The following EP300 variants were observed in gnomAD, a reference collection of about 807,000 sequenced individuals.
EP300 encodes histone acetyltransferase p300.
In EP300, 31 loss-of-function variants were observed where a neutral mutation model predicts 264.0. That is an observed-to-expected ratio of 0.12 (90% CI 0.09 to 0.16). The LOEUF (loss-of-function observed/expected upper bound fraction) is 0.16, where lower values mean the gene tolerates loss of function less well. Ranked by LOEUF, EP300 falls within the 10% of genes least tolerant of loss-of-function variation. EP300 has a pLI of 1.00. For missense variants in EP300, 2,766 were observed against 3,052.9 expected (o/e 0.91, Z 2.21); for synonymous variants, 1,340 against 1,045.4 (o/e 1.28, Z -5.44).
chr22:41,157,532 T>C lies in EP300; in HGVS notation c.3501+124T>C, dbSNP rs1601624904. The C allele has an allele frequency of 5.7e-6, 7 of 1,235,468 alleles. No individual in the cohort carries two copies. In the East Asian group the frequency reaches 7.4e-5, roughly 13 times the overall value. 76.5% of individuals were successfully genotyped at this position (1,235,468 alleles called of 1,614,324 possible). ...CATGGCTTTTTTTTTTTTTTTTTTT[T>C]TTCCTTTTTGACAGGGTCTTATTCT... On this transcript the variant is annotated intron_variant, in intron 18 of 30. Coordinates refer to ENST00000263253, the MANE Select transcript of EP300 (RefSeq NM_001429.4).
intron 20 of EP300, among the ~76,000 whole-genome samples, chr22:41,161,946 G>C (rs2059110770): frequency 6.6e-6 from 1 of 152,142 alleles, no homozygotes; most frequent in African/African-American, 2.4e-5. Context: ...TTAGCTCTAG[G>C]GTAAGTTTCC....
intron 10 of EP300, 131 bp downstream of exon 10, chr22:41,141,353 G>A (rs2058981219): frequency 4.1e-6 from 4 of 964,162 alleles, no homozygotes; most frequent in Admixed American, 2.5e-5. Context: ...CCTTTGCAAA[G>A]AAAATAACTC....
rs765943479 is a variant in EP300 at position 41,178,510 on chromosome 22, C to CAACAGA, written c.6800_6805dup (p.Gln2268_Met2269insLysGln). ...GGCCTATCAGCAGCGACTCCTTCAG[C>CAACAGA]AACAGATGGGGTCCCCTGTTCAGCC... On this transcript the variant is annotated inframe_insertion, in exon 31 of 31. Transcript: ENST00000263253. 2 of 1,613,316 alleles carry CAACAGA rather than the reference C, an allele frequency of 1.2e-6. No homozygotes were observed. The highest frequency in any genetic ancestry group is 2.7e-5 in the African/African-American group (2 of 74,834).
intron 10 of EP300, among the ~76,000 whole-genome samples, chr22:41,142,390 G>T (rs191769751): frequency 6.6e-6 from 1 of 152,294 alleles, no homozygotes; most frequent in East Asian, 1.9e-4. Flanking sequence ...ACTGAAGTGT[G>T]CCAGGTACTG....
Position 41,178,646 on chromosome 22 carries a change from C to T in EP300, c.6935C>T (p.Pro2312Leu), listed in dbSNP as rs1173880379. Residue 2312 changes from proline to leucine, a missense_variant, in exon 31 of 31, where the codon CCT (proline) becomes CTT (leucine). By Grantham distance (98) the Pro-to-Leu change is moderately conservative (BLOSUM62 -3). Transcript: ENST00000263253. ...SLSNQVRSPQ[P>L]VPSPRPQSQP... ...TCCAATCAAGTGCGCTCTCCCCAGC[C>T]TGTCCCTTCTCCACGGCCACAGTCC... is the stretch of plus-strand genomic sequence containing the variant. The T allele has an allele frequency of 6.2e-7, 1 of 1,614,208 alleles. No homozygotes were observed. Among genetic ancestry groups the T allele is most frequent in the South Asian group, 1.1e-5 (1 of 91,084 alleles).
rs867669988 is a variant in EP300, at chr22:41,130,309, C to G, written c.1282+306C>G. Among the ~76,000 whole-genome samples, 24 of 151,166 alleles carry G rather than the reference C, an allele frequency of 1.6e-4. 1 individual carries two copies. The highest frequency in any genetic ancestry group is 2.0e-4 in the Admixed American group (3 of 15,160). Reference sequence around the variant, plus strand: ...GTGCAGTGGCTCATGCCTGTCATCCCAACAGTTTTGGAAGCCAAGGCAAGA... The same window carrying G: ...GTGCAGTGGCTCATGCCTGTCATCCGAACAGTTTTGGAAGCCAAGGCAAGA... On this transcript the variant is annotated intron_variant, in intron 5 of 30. Coordinates refer to ENST00000263253, the MANE Select transcript of EP300 (RefSeq NM_001429.4).
At position 41,179,898 on chromosome 22, in the gene EP300, ACACACACACACAC is replaced by A. The variant is rs2059233268; in HGVS notation, c.*943_*955del. On this transcript the variant is annotated 3_prime_UTR_variant, in exon 31 of 31. Transcript: ENST00000263253. ...CCCCCACTCACACACACACACACAC[ACACACACACACAC>A]ACACACACACACTTTCTATAAAACT... 5.2e-6 allele frequency: 1 copy of A among 190,916 alleles called. No homozygotes were observed. Among genetic ancestry groups the A allele is most frequent in the Admixed American group, 6.9e-5 (1 of 14,560 alleles). The allele number at this position is 190,916 out of a possible 1,614,324, so 11.8% of individuals were successfully genotyped here.
At chr22:41,172,971 A>G (rs2059179400) in intron 28 of EP300, among the ~76,000 whole-genome samples, 1 of 152,234 alleles carries the variant, frequency 6.6e-6, no homozygotes, top group Admixed American at 6.5e-5. Context: ...TATGAATATT[A>G]TAGGCCTTGT....
chr22:41,097,372 A>T lies in EP300; in HGVS notation c.94+4274A>T, dbSNP rs184414351. Among the ~76,000 whole-genome samples the T allele has an allele frequency of 2.5e-4, 38 of 152,318 alleles. No homozygotes were observed. The South Asian group carries it at 4.6e-3, about 18-fold the overall frequency. Reference sequence around the variant, plus strand: ...AGTGAATGGATAATAGGGAGGAGGGAGGAAAGGGTTTCTGCCTTGGTGGCC... The same window carrying T: ...AGTGAATGGATAATAGGGAGGAGGGTGGAAAGGGTTTCTGCCTTGGTGGCC... On this transcript the variant is annotated intron_variant, in intron 1 of 30. Coordinates refer to ENST00000263253, the MANE Select transcript of EP300 (RefSeq NM_001429.4).
At chr22:41,130,158 A>G (rs73176606) in intron 5 of EP300, among the ~76,000 whole-genome samples, 155 bp downstream of exon 5, 1 of 151,954 alleles carries the variant, frequency 6.6e-6, no homozygotes, top group Non-Finnish European at 1.5e-5. Flanking sequence ...TCCCTAGTGC[A>G]TAGAATTGAA....
intron 1 of EP300, among the ~76,000 whole-genome samples, chr22:41,099,343 T>G (rs1445199215): frequency 2.0e-5 from 3 of 152,186 alleles, no homozygotes; most frequent in Admixed American, 2.0e-4. Context: ...TGTTTTTGTT[T>G]TTCGTGGATA....
rs1010905341 is a variant in EP300 at position 41,177,120 on chromosome 22, G to A, written c.5409G>A (p.Val1803=). Residue 1803 remains valine (V), a synonymous_variant, in exon 31 of 31, where the codon GTG becomes GTA. Transcript: ENST00000263253. ...ACTGCCAGGAGAACAAATGCCCGGT[G>A]CCGTTCTGCCTAAACATCAAGCAGA... ...AKHCQENKCP[V]PFCLNIKQKL... The A allele has an allele frequency of 2.3e-5, 37 of 1,613,976 alleles. No individual in the cohort carries two copies. Among genetic ancestry groups the A allele is most frequent in the Non-Finnish European group, 3.1e-5 (36 of 1,180,016 alleles).
Position 41,157,358 on chromosome 22 carries a change from C to G in EP300, c.3451C>G (p.Gln1151Glu), listed in dbSNP as rs2145747771. 1.2e-6 allele frequency: 2 copies of G among 1,614,052 alleles called. No individual in the cohort carries two copies. The highest frequency in any genetic ancestry group is 1.7e-6 in the Non-Finnish European group (2 of 1,180,002). Residue 1151 changes from glutamine (Q) to glutamate (E), a missense_variant, in exon 18 of 31, where the codon CAA becomes GAA. Gln to Glu is a conservative substitution (Grantham distance 29). Coordinates refer to ENST00000263253, the MANE Select transcript of EP300 (RefSeq NM_001429.4). ...YCSKLSEVFE[Q>E]EIDPVMQSLG... ...CTCCAAGCTCTCTGAGGTCTTTGAA[C>G]AAGAAATTGACCCAGTGATGCAAAG...
intron 1 of EP300, among the ~76,000 whole-genome samples, chr22:41,098,377 G>T (rs150249665): frequency 6.6e-6 from 1 of 152,140 alleles, no homozygotes; most frequent in Non-Finnish European, 1.5e-5. Context: ...AATTAGAAGT[G>T]ATTGTTTTTT....
In EP300 at chr22:41,149,261, A is replaced by G. The variant is rs568848847; in HGVS notation, c.2379+86A>G. On this transcript the variant is annotated intron_variant, in intron 13 of 30. Coordinates refer to ENST00000263253, the MANE Select transcript of EP300 (RefSeq NM_001429.4). ...GTTTTTATAGGAGAGAGTGGCAGCA[A>G]ATAGTGGGTGAAAACAGATGATTTT... 735 of 1,487,816 alleles carry G rather than the reference A, an allele frequency of 4.9e-4. 2 individuals carry two copies. The highest frequency in any genetic ancestry group is 3.9e-4 in the Non-Finnish European group (421 of 1,065,906). The allele number at this position is 1,487,816 out of a possible 1,614,324, so 92.2% of individuals were successfully genotyped here. A position where few individuals can be genotyped will look rare whatever the true frequency, so the allele number is the denominator to read the frequency against.
intron 10 of EP300, among the ~76,000 whole-genome samples, chr22:41,144,006 G>A (rs886203876): frequency 2.0e-5 from 3 of 152,052 alleles, no homozygotes; most frequent in Non-Finnish European, 1.5e-5. Flanking sequence ...GTACCATCTT[G>A]AAAAAATAAT....
At position 41,146,776 on chromosome 22, in the gene EP300, T is replaced by G. The variant is rs61756764; in HGVS notation, c.2091T>G (p.Ser697Arg). The G allele has an allele frequency of 5.3e-3, 8,516 of 1,614,124 alleles. 44 individuals are homozygous for G. The highest frequency in any genetic ancestry group is 6.7e-3 in the Non-Finnish European group (7,899 of 1,179,954). ...PLPDPSMIRGSVPNQMMPRIT... is the reference protein window; with the variant it reads ...PLPDPSMIRGRVPNQMMPRIT... ...CTGACCCAAGTATGATCCGTGGCAG[T>G]GTGCCAAACCAGATGATGCCTCGAA... The change falls in exon 11 of 31, where the codon AGT becomes AGG. Residue 697 changes from serine to arginine, a missense_variant. Physicochemically the swap from Ser to Arg is moderately radical, Grantham distance 110. Coordinates refer to ENST00000263253, the MANE Select transcript of EP300 (RefSeq NM_001429.4).
intron 28 of EP300, 151 bp downstream of exon 28, chr22:41,172,814 G>T: frequency 1.2e-6 from 1 of 852,732 alleles, no homozygotes; most frequent in East Asian, 2.7e-5. Flanking sequence ...GAGGTTATTA[G>T]GGTTCTGTTT....
intron 4 of EP300, among the ~76,000 whole-genome samples, chr22:41,129,541 T>C (rs2145712870): frequency 6.6e-6 from 1 of 152,320 alleles, no homozygotes; most frequent in East Asian, 1.9e-4. Context: ...ATGAAGTCAT[T>C]AAAAAGTGTT....
Sources: allele counts gnomAD v4.1 joint callset (sites outside exome capture counted in the v4.1 genomes callset), GRCh38; gene constraint gnomAD v4.1.1; transcripts MANE v1.5; gene names NCBI Gene and HGNC (gene_info 2026-07-23, HGNC 2026-07-21).